MCF2L: variants seen among roughly 807,000 people sequenced by gnomAD.
MCF2L encodes the protein guanine nucleotide exchange factor DBS.
A neutral mutation model predicts 153.4 loss-of-function variants in MCF2L; 97 were observed. The ratio of observed to expected loss-of-function variants is 0.63; its 90% CI spans 0.54 to 0.75. The LOEUF (loss-of-function observed/expected upper bound fraction) is 0.75, where lower values mean the gene tolerates loss of function less well. Among genes scored for constraint, MCF2L ranks in the 30% least tolerant of loss-of-function variants. The pLI is 0.00. For missense variants in MCF2L, 1,347 were observed against 1,495.2 expected (o/e 0.90, Z 1.64); for synonymous variants, 659 against 632.2 (o/e 1.04, Z -0.64).
In MCF2L at chr13:113,070,135, T is replaced by C. The variant is rs758744706; in HGVS notation, c.958T>C (p.Cys320Arg). 3 of 1,607,022 alleles carry C rather than the reference T, an allele frequency of 1.9e-6. No individual in the cohort carries two copies. The South Asian group carries it at 3.3e-5, about 18-fold the overall frequency. Residue 320 changes from cysteine to arginine, a missense_variant, in exon 9 of 30, where the codon TGT becomes CGT. Physicochemically the swap from Cys to Arg is radical, Grantham distance 180. Around this residue, in one of 3 missense-constraint regions of MCF2L, gnomAD observed 820 missense variants for 921.2 expected, o/e 0.89. Coordinates refer to ENST00000535094, the MANE Select transcript of MCF2L (RefSeq NM_001112732.3). The surrounding 1 kb of genome is among the most constrained non-coding windows in gnomAD (Gnocchi z 5.6). ...AAAGCATCAGCAGAAACTGGAGCAG[T>C]GTCTGCAGCTCCGGCACTTTGAGCA... ...WAKHQQKLEQ[C>R]LQLRHFEQGF... is the part of the protein sequence containing the mutation.
intron 1 of MCF2L, among the ~76,000 whole-genome samples, chr13:112,974,160 G>A (rs577577109): frequency 1.3e-5 from 2 of 152,228 alleles, no homozygotes; most frequent in South Asian, 2.1e-4. Context: ...TTAGTCTTAC[G>A]TTTGGAGTTC....
intron 27 of MCF2L, chr13:113,095,151 C>A: frequency 7.8e-7 from 1 of 1,287,204 alleles, no homozygotes; most frequent in South Asian, 1.3e-5. Flanking sequence ...AAAAAACATT[C>A]ATTGTTAATG....
Position 113,045,298 on chromosome 13 carries a change from C to A in MCF2L, c.306C>A (p.Ile102=). 6.2e-7 allele frequency: 1 copy of A among 1,614,044 alleles called. No homozygotes were observed. Among genetic ancestry groups the A allele is most frequent in the Non-Finnish European group, 8.5e-7 (1 of 1,180,004 alleles). Residue 102 remains isoleucine, a synonymous_variant, in exon 4 of 30, where the codon ATC becomes ATA. Coordinates refer to ENST00000535094, the MANE Select transcript of MCF2L (RefSeq NM_001112732.3). This position sits in a 1 kb window ranked among gnomAD's most constrained non-coding sequence, Gnocchi z 4.2. The stretch of plus-strand genomic sequence containing the variant: ...TGCAGGACGCTGGCATCGGATTCAT[C>A]CTGGTGATAGACCGGCGACGGGACA... ...PSLQDAGIGF[I]LVIDRRRDKW... is the part of the protein sequence containing the mutation.
chr13:112,931,346 C>A (rs73572857), intron 2 of MCF2L, among the ~76,000 whole-genome samples: 1 of 152,180 alleles, frequency 6.6e-6, no homozygotes, highest in East Asian at 1.9e-4. Context: ...CGTCGTTTCC[C>A]GTAGATACAG....
At chr13:112,990,952 G>A (rs1001466187) in intron 1 of MCF2L, among the ~76,000 whole-genome samples, 1 of 152,238 alleles carries the variant, frequency 6.6e-6, no homozygotes, top group Non-Finnish European at 1.5e-5. Context: ...CCACCACCCT[G>A]CAGCCATGTG....
chr13:112,972,573 A>G (rs1177113530), intron 1 of MCF2L, among the ~76,000 whole-genome samples: 1 of 141,524 alleles, frequency 7.1e-6, no homozygotes, highest in Non-Finnish European at 1.5e-5. Flanking sequence ...GAGGATGATG[A>G]ATGGGTAGAT....
In MCF2L at chr13:113,074,213, G is replaced by T. The variant is rs956157362; in HGVS notation, c.997-231G>T. On this transcript the variant is annotated intron_variant, in intron 9 of 29. Coordinates refer to ENST00000535094, the MANE Select transcript of MCF2L (RefSeq NM_001112732.3). This position sits in a 1 kb window ranked among gnomAD's most constrained non-coding sequence, Gnocchi z 4.2. The stretch of plus-strand genomic sequence containing the variant: ...CAAGCCACAGAGAAACAATTGTTCT[G>T]CCAGTGAGGTCACTGGTGGGTAGCG... Among the ~76,000 whole-genome samples the T allele has an allele frequency of 2.6e-5, 4 of 152,200 alleles. No homozygotes were observed. The highest frequency in any genetic ancestry group is 9.7e-5 in the African/African-American group (4 of 41,450).
intron 4 of MCF2L, among the ~76,000 whole-genome samples, chr13:113,056,153 G>A (rs1026633888): frequency 1.1e-4 from 16 of 152,262 alleles, no homozygotes; most frequent in East Asian, 1.9e-4. Flanking sequence ...TGCCCTGGAC[G>A]GGGAGGGCAG....
At chr13:113,014,128 C>T (rs898837460) in intron 1 of MCF2L, among the ~76,000 whole-genome samples, 2 of 152,368 alleles carry the variant, frequency 1.3e-5, no homozygotes, top group African/African-American at 2.4e-5. Context: ...CCAGTGCTGG[C>T]CTGGTGGCTG....
At position 113,074,542 on chromosome 13, in the gene MCF2L, C is replaced by T; in HGVS notation, c.1095C>T (p.Ala365=). Reference sequence around the variant, plus strand: ...TGGAGCACCTGCTGAGGGACCTGGCCAGCTTCGAGGAGAAATCAGGCGTAA... The same window carrying T: ...TGGAGCACCTGCTGAGGGACCTGGCTAGCTTCGAGGAGAAATCAGGCGTAA... ...AHVEHLLRDL[A]SFEEKSGVAV... is the part of the protein sequence containing the mutation. Residue 365 remains alanine (A), a synonymous_variant, in exon 10 of 30, where the codon GCC becomes GCT. Transcript: ENST00000535094. The surrounding 1 kb of genome is among the most constrained non-coding windows in gnomAD (Gnocchi z 4.2). 2 of 1,613,998 alleles carry T rather than the reference C, an allele frequency of 1.2e-6. No individual in the cohort carries two copies. Among genetic ancestry groups the T allele is most frequent in the Non-Finnish European group, 1.7e-6 (2 of 1,179,984 alleles).
intron 21 of MCF2L, among the ~76,000 whole-genome samples, chr13:113,086,733 A>C (rs1221385880): frequency 1.3e-5 from 2 of 150,392 alleles, no homozygotes; most frequent in Non-Finnish European, 1.5e-5. Flanking sequence ...CCCAGCACTC[A>C]TTCTCAGGTG....
upstream of MCF2L, chr13:112,968,450 G>A (rs1175206282): frequency 1.3e-6 from 2 of 1,588,462 alleles, no homozygotes; most frequent in Non-Finnish European, 1.7e-6. Flanking sequence ...TGCACAGTGT[G>A]GCTTGGTGCC....
intron 2 of MCF2L, among the ~76,000 whole-genome samples, chr13:112,964,176 A>G (rs1404913904): frequency 6.6e-6 from 1 of 152,248 alleles, no homozygotes; most frequent in Non-Finnish European, 1.5e-5. Flanking sequence ...CCACAGCAAC[A>G]ACTCTTGAGG....
chr13:113,091,310 T>C (rs1361837650), intron 26 of MCF2L: 1 of 870,152 alleles, frequency 1.1e-6, no homozygotes, highest in African/African-American at 1.8e-5. Context: ...TGGGTCTTTA[T>C]GCTGCGGAGG....
At chr13:113,037,845 G>T (rs761306768) in intron 3 of MCF2L, among the ~76,000 whole-genome samples, 1 of 152,164 alleles carries the variant, frequency 6.6e-6, no homozygotes, top group African/African-American at 2.4e-5. Flanking sequence ...GACAAGAAAA[G>T]AAAAGTCTTA....
Position 113,046,779 on chromosome 13 carries a change from A to G in MCF2L, c.369+1418A>G. ...TCCTGACCCTGACTCAACCTGGCAC[A>G]CACCACCTATGGCATCGTTATCTGA... On this transcript the variant is annotated intron_variant, in intron 4 of 29. Transcript: ENST00000535094. This position sits in a 1 kb window ranked among gnomAD's most constrained non-coding sequence, Gnocchi z 4.4. 1 of 432,842 alleles carries G rather than the reference A, an allele frequency of 2.3e-6. No individual in the cohort carries two copies. Among genetic ancestry groups the G allele is most frequent in the Non-Finnish European group, 4.6e-6 (1 of 215,550 alleles). The allele number at this position is 432,842 out of a possible 1,614,324, so 26.8% of individuals were successfully genotyped here.
At chr13:112,901,972 C>T (rs574866462) in intron 1 of MCF2L, among the ~76,000 whole-genome samples, 4 of 152,298 alleles carry the variant, frequency 2.6e-5, no homozygotes, top group African/African-American at 9.6e-5. Context: ...CTCCTGCGAC[C>T]CTTTATTCTG....
At chr13:113,040,582 G>C (rs74115758) in intron 3 of MCF2L, 6,595 of 152,636 alleles carry the variant, frequency 0.043, 465 homozygotes, top group African/African-American at 0.15. Context: ...TCCCCTCAGC[G>C]CCTCCTGGCC....
intron 15 of MCF2L, among the ~76,000 whole-genome samples, chr13:113,079,334 C>T (rs1212252939): frequency 6.6e-6 from 1 of 152,082 alleles, no homozygotes; most frequent in East Asian, 1.9e-4. Flanking sequence ...TGGGAAGGAG[C>T]CAAACACCCA....
Sources: gnomAD v4.1 joint callset for allele counts (sites outside exome capture counted in the v4.1 genomes callset) on GRCh38, gnomAD v4.1.1 for gene constraint, gnomAD v4.1.1 regional missense constraint, Gnocchi (gnomAD v3.1) non-coding constraint, MANE v1.5 for transcripts, NCBI Gene and HGNC (gene_info 2026-07-23, HGNC 2026-07-21) for gene names.